Variants in ANKRD12 observed in about 807,000 individuals in gnomAD.
ANKRD12 encodes the protein ankyrin repeat domain 12.
Under a neutral mutation model 183.4 loss-of-function variants are expected in ANKRD12, and 85 were observed. The observed-to-expected ratio is 0.46, with a 90% CI of 0.39 to 0.56. The LOEUF is 0.56. ANKRD12 is among the 20% of genes least tolerant of loss of function. ANKRD12 has a pLI of 0.00. For missense variants in ANKRD12, 2,405 were observed against 2,357.1 expected (o/e 1.02, Z -0.42); for synonymous variants, 914 against 800.2 (o/e 1.14, Z -2.40).
chr18:9,219,903 T>A (rs1183567749), intron 7 of ANKRD12, among the ~76,000 whole-genome samples: 1 of 152,156 alleles, frequency 6.6e-6, no homozygotes, highest in Non-Finnish European at 1.5e-5. Flanking sequence ...TGCTCCTCTC[T>A]CACCCTGGGT....
intron 10 of ANKRD12, among the ~76,000 whole-genome samples, chr18:9,270,497 C>G (rs1410842824): frequency 1.3e-5 from 2 of 152,178 alleles, no homozygotes; most frequent in African/African-American, 2.4e-5. Context: ...CCATCATTCT[C>G]AGCAAACTAT....
At chr18:9,218,637 A>G (rs1295297065) in intron 7 of ANKRD12, among the ~76,000 whole-genome samples, 2 of 151,548 alleles carry the variant, frequency 1.3e-5, no homozygotes, top group South Asian at 4.2e-4. Flanking sequence ...TTGTAAATGT[A>G]TAGTAATTCC....
intron 8 of ANKRD12, among the ~76,000 whole-genome samples, chr18:9,252,878 G>A (rs925186843): frequency 1.3e-5 from 2 of 152,128 alleles, no homozygotes; most frequent in Non-Finnish European, 2.9e-5. Flanking sequence ...GTGTTTTTTA[G>A]TCAGTTTTGG....
chr18:9,204,430 C>G, intron 3 of ANKRD12, 46 bp from the exon 4 acceptor site: 1 of 1,357,640 alleles, frequency 7.4e-7, no homozygotes, highest in Non-Finnish European at 1.0e-6. Context: ...TCTGCATTTC[C>G]CTCCGTGTGC....
chr18:9,156,824 A>G (rs2143683927), intron 1 of ANKRD12, among the ~76,000 whole-genome samples: 1 of 152,358 alleles, frequency 6.6e-6, no homozygotes, highest in Middle Eastern at 3.4e-3. Context: ...ATTGTGACAC[A>G]TGCTACAGCA....
At chr18:9,220,161 A>G (rs955069859) in intron 7 of ANKRD12, among the ~76,000 whole-genome samples, 4 of 152,170 alleles carry the variant, frequency 2.6e-5, no homozygotes, top group South Asian at 2.1e-4. Context: ...ACAAATTTCT[A>G]ATTTCAGCAT....
At chr18:9,188,024 C>G (rs1157629491) in intron 2 of ANKRD12, among the ~76,000 whole-genome samples, 1 of 152,092 alleles carries the variant, frequency 6.6e-6, no homozygotes, top group African/African-American at 2.4e-5. Flanking sequence ...TACCTATTAC[C>G]TTGTCAACAA....
At position 9,156,151 on chromosome 18, in the gene ANKRD12, A is replaced by AAG. The variant is rs1555707198; in HGVS notation, c.-52+19187_-52+19188insGA. ...AGACTCTGTCTCAAAAAAAAAAAAA[A>AAG]AAAAGAAAAAGACTTTTGACTTTTA... On this transcript the variant is annotated intron_variant, in intron 1 of 12. Coordinates refer to ENST00000262126, the MANE Select transcript of ANKRD12 (RefSeq NM_015208.5). Among the ~76,000 whole-genome samples, 799 of 150,756 alleles carry AAG rather than the reference A, an allele frequency of 5.3e-3. 18 individuals carry two copies. The highest frequency in any genetic ancestry group is 0.019 in the African/African-American group (764 of 41,122).
intron 8 of ANKRD12, among the ~76,000 whole-genome samples, chr18:9,238,061 C>A (rs1399041920): frequency 1.3e-5 from 2 of 152,128 alleles, no homozygotes; most frequent in Non-Finnish European, 2.9e-5. Flanking sequence ...CAGTCCTTAT[C>A]CTTTGAAATT....
rs2145180419 is a variant in ANKRD12 at position 9,255,348 on chromosome 18, A to C, written c.2081A>C (p.Glu694Ala). Residue 694 changes from glutamate (E) to alanine (A), a missense_variant, in exon 9 of 13, where the codon GAA (glutamate) becomes GCA (alanine). Transcript: ENST00000262126. ...ELQRSVEFDR[E>A]FWKENFFKSD... ...CAGAGGAGTGTGGAATTTGATAGAG[A>C]ATTTTGGAAAGAGAATTTTTTTAAA... 1 of 1,608,506 alleles carries C rather than the reference A, an allele frequency of 6.2e-7. No individual in the cohort carries two copies. Among genetic ancestry groups the C allele is most frequent in the South Asian group, 1.1e-5 (1 of 89,340 alleles).
rs1236025655 is a variant in ANKRD12, at chr18:9,255,517, A to G, written c.2250A>G (p.Glu750=). 2 of 1,578,906 alleles carry G rather than the reference A, an allele frequency of 1.3e-6. No homozygotes were observed. Among genetic ancestry groups the G allele is most frequent in the Non-Finnish European group, 1.7e-6 (2 of 1,170,912 alleles). Residue 750 remains glutamate, a synonymous_variant, in exon 9 of 13, where the codon GAA becomes GAG. Coordinates refer to ENST00000262126, the MANE Select transcript of ANKRD12 (RefSeq NM_015208.5). ...CAAAAGAGAGGAACTTTAAAGAGGA[A>G]CGAGACAAGATTAAAAAGGAAAGCG... ...HVSKERNFKE[E]RDKIKKESEK...
Position 9,172,757 on chromosome 18 carries a change from C to T in ANKRD12, c.-51-9625C>T, listed in dbSNP as rs191207207. Among the ~76,000 whole-genome samples, 16 of 152,284 alleles carry T rather than the reference C, an allele frequency of 1.1e-4. No homozygotes were observed. In the East Asian group the frequency reaches 3.1e-3, roughly 29 times the overall value. ...CTCAGCCTCAGCCCAGTTCTGTCCC[C>T]TTGCTGAAGAGGTGTTGTGGTAATT... On this transcript the variant is annotated intron_variant, in intron 1 of 12. Transcript: ENST00000262126.
At chr18:9,160,117 A>G (rs1433529546) in intron 1 of ANKRD12, among the ~76,000 whole-genome samples, 1 of 151,952 alleles carries the variant, frequency 6.6e-6, no homozygotes, top group Admixed American at 6.6e-5. Context: ...CAAAAATACA[A>G]AATATTAGCT....
At chr18:9,261,483 G>GT (rs1356585295) in intron 9 of ANKRD12, among the ~76,000 whole-genome samples, 1 of 152,200 alleles carries the variant, frequency 6.6e-6, no homozygotes, top group Non-Finnish European at 1.5e-5. Flanking sequence ...GTAAAGAATT[G>GT]TAAGAGAAAT....
chr18:9,177,813 A>C (rs929134613), intron 1 of ANKRD12, among the ~76,000 whole-genome samples: 1 of 152,126 alleles, frequency 6.6e-6, no homozygotes, highest in Non-Finnish European at 1.5e-5. Context: ...GCTCTCACAT[A>C]TGAGTGAGAA....
chr18:9,197,099 G>A lies in ANKRD12; in HGVS notation c.235+1401G>A, dbSNP rs894286224. Among the ~76,000 whole-genome samples the A allele has an allele frequency of 3.9e-5, 6 of 152,184 alleles. No homozygotes were observed. In the South Asian group the frequency reaches 1.2e-3, roughly 32 times the overall value. ...TTCAAAAAATATTAATATTTTTAAGGAATAAAGTTTCAAGATAATCTTTTC... is the reference window on the plus strand; with the variant it reads ...TTCAAAAAATATTAATATTTTTAAGAAATAAAGTTTCAAGATAATCTTTTC... On this transcript the variant is annotated intron_variant, in intron 3 of 12. Transcript: ENST00000262126.
chr18:9,275,433 A>G (rs2039785271), intron 10 of ANKRD12, 91 bp from the exon 11 acceptor site: 19 of 1,170,918 alleles, frequency 1.6e-5, no homozygotes, highest in Non-Finnish European at 2.3e-5. Flanking sequence ...TGATCACACC[A>G]CTGCACTCCA....
chr18:9,154,188 G>A (rs763933283), intron 1 of ANKRD12, among the ~76,000 whole-genome samples: 1 of 152,106 alleles, frequency 6.6e-6, no homozygotes, highest in Non-Finnish European at 1.5e-5. Flanking sequence ...TTGGGAGGCC[G>A]AGGCAGGAGG....
chr18:9,241,650 G>T (rs2037668358), intron 8 of ANKRD12, among the ~76,000 whole-genome samples: 1 of 152,164 alleles, frequency 6.6e-6, no homozygotes, highest in South Asian at 2.1e-4. Context: ...AGCATGGTAG[G>T]CAATGAGGTA....
Sources: allele counts gnomAD v4.1 joint callset (sites outside exome capture counted in the v4.1 genomes callset), GRCh38; gene constraint gnomAD v4.1.1; transcripts MANE v1.5; gene names NCBI Gene and HGNC (gene_info 2026-07-23, HGNC 2026-07-21).